EEF1E1: variants seen among roughly 807,000 people sequenced by gnomAD.
The protein encoded by EEF1E1 is eukaryotic translation elongation factor 1 epsilon 1.
Under a neutral mutation model 19.9 loss-of-function variants are expected in EEF1E1, and 19 were observed. The ratio of observed to expected loss-of-function variants is 0.95; its 90% CI spans 0.66 to 1.40. The LOEUF is 1.40. Ranked by LOEUF, EEF1E1 falls within the 40% of genes most tolerant of loss-of-function variation. EEF1E1 has a pLI of 0.00. For synonymous variants in EEF1E1, 81 were observed against 80.0 expected (o/e 1.01, Z -0.07); for missense variants, 198 against 202.2 (o/e 0.98, Z 0.13).
chr6:8,098,182 T>C (rs1444208170), intron 1 of EEF1E1, among the ~76,000 whole-genome samples: 1 of 151,904 alleles, frequency 6.6e-6, no homozygotes, highest in Non-Finnish European at 1.5e-5. Context: ...TGCAGTGGCA[T>C]GGTCTCGGCT....
chr6:8,096,726 C>T (rs1441241660), intron 2 of EEF1E1, among the ~76,000 whole-genome samples: 3 of 151,926 alleles, frequency 2.0e-5, no homozygotes, highest in Non-Finnish European at 1.5e-5. Context: ...TTCTTGGTAA[C>T]TCTGAAGCTA....
In EEF1E1 at chr6:8,090,295, A is replaced by G. The variant is rs750610204; in HGVS notation, c.289-14T>C. 2.1e-6 allele frequency: 3 copies of G among 1,441,742 alleles called. No individual in the cohort carries two copies. The Admixed American group carries it at 8.3e-5, about 40-fold the overall frequency. 89.3% of individuals were successfully genotyped at this position (1,441,742 alleles called of 1,614,324 possible). ...TGAATTAAGATCCTAGAAAAAAGAAAAAACAAATAAATATTAATGTAAAAA... is the reference window on the plus strand; with the variant it reads ...TGAATTAAGATCCTAGAAAAAAGAAGAAACAAATAAATATTAATGTAAAAA... On this transcript the variant is annotated splice_polypyrimidine_tract_variant and intron_variant, in intron 2 of 3. Transcript: ENST00000379715.
chr6:8,100,794 C>A (rs1162719779), intron 1 of EEF1E1, among the ~76,000 whole-genome samples: 2 of 151,028 alleles, frequency 1.3e-5, no homozygotes, highest in African/African-American at 4.9e-5. Context: ...AAATTCTTAC[C>A]CTGGCGCCAC....
At chr6:8,096,058 T>C (rs1581473561) in intron 2 of EEF1E1, among the ~76,000 whole-genome samples, 2 of 152,194 alleles carry the variant, frequency 1.3e-5, no homozygotes, top group South Asian at 4.1e-4. Context: ...AACAAGAACA[T>C]CTTAAATCAG....
downstream of EEF1E1, chr6:8,078,794 G>T: frequency 8.1e-7 from 1 of 1,233,052 alleles, no homozygotes; most frequent in Non-Finnish European, 1.0e-6. Flanking sequence ...TACATACTAG[G>T]CTTTTTTCTT....
chr6:8,083,078 G>A (rs1757760991), intron 3 of EEF1E1, among the ~76,000 whole-genome samples: 1 of 152,112 alleles, frequency 6.6e-6, no homozygotes, highest in South Asian at 2.1e-4. Context: ...GTGGTGCTTG[G>A]CTCTTTCTGC....
chr6:8,095,583 T>C (rs1581473059), intron 2 of EEF1E1: 1 of 178,742 alleles, frequency 5.6e-6, no homozygotes, highest in Non-Finnish European at 1.2e-5. Context: ...TTTTTTTTAA[T>C]ACATGCACAC....
At chr6:8,098,273 C>T (rs967981318) in intron 1 of EEF1E1, among the ~76,000 whole-genome samples, 18 of 152,030 alleles carry the variant, frequency 1.2e-4, no homozygotes, top group African/African-American at 4.3e-4. Flanking sequence ...GCACGTGCCA[C>T]CACACCCGGA....
intron 2 of EEF1E1, among the ~76,000 whole-genome samples, chr6:8,096,519 T>C (rs76197483): frequency 0.061 from 9,226 of 152,288 alleles, 382 homozygotes; most frequent in Non-Finnish European, 0.088. Flanking sequence ...GGAAGACCTT[T>C]CTTGTACAAC....
chr6:8,095,361 T>C (rs1422859787), intron 2 of EEF1E1: 13 of 426,410 alleles, frequency 3.0e-5, no homozygotes, highest in Middle Eastern at 8.2e-4. Context: ...AAACGAGCCA[T>C]GCGTGGTGGT....
At chr6:8,097,696 TATA>T (rs1304713184) in intron 1 of EEF1E1, among the ~76,000 whole-genome samples, 4 of 152,214 alleles carry the variant, frequency 2.6e-5, no homozygotes, top group Non-Finnish European at 5.9e-5. Flanking sequence ...CAAAAATCCG[TATA>T]ATATTACTAC....
intron 1 of EEF1E1, 82 bp from the exon 2 acceptor site, chr6:8,097,549 C>T (rs1425785957): frequency 9.0e-7 from 1 of 1,107,226 alleles, no homozygotes; most frequent in Non-Finnish European, 1.3e-6. Flanking sequence ...CACGAAATCC[C>T]TCAAGTGTTT....
intron 3 of EEF1E1, among the ~76,000 whole-genome samples, chr6:8,088,495 T>A (rs1456049186): frequency 6.6e-6 from 1 of 151,744 alleles, no homozygotes; most frequent in Non-Finnish European, 1.5e-5. Context: ...ATAAGTCTCA[T>A]GAGATCTGAT....
chr6:8,088,505 T>C (rs866397921), intron 3 of EEF1E1, among the ~76,000 whole-genome samples: 12 of 152,174 alleles, frequency 7.9e-5, no homozygotes, highest in Admixed American at 5.2e-4. Flanking sequence ...TGAGATCTGA[T>C]GGTTTTATAA....
intron 1 of EEF1E1, among the ~76,000 whole-genome samples, chr6:8,097,951 G>A (rs1758217880): frequency 6.6e-6 from 1 of 151,914 alleles, no homozygotes; most frequent in Non-Finnish European, 1.5e-5. Flanking sequence ...ACACAAATAA[G>A]GACAATGCAT....
intron 1 of EEF1E1, among the ~76,000 whole-genome samples, chr6:8,098,179 G>T (rs1471210354): frequency 6.6e-6 from 1 of 151,906 alleles, no homozygotes; most frequent in Non-Finnish European, 1.5e-5. Flanking sequence ...GAGTGCAGTG[G>T]CATGGTCTCG....
chr6:8,097,067 A>G (rs1174764265), intron 2 of EEF1E1, among the ~76,000 whole-genome samples, 200 bp downstream of exon 2: 3 of 152,200 alleles, frequency 2.0e-5, no homozygotes, highest in African/African-American at 7.2e-5. Flanking sequence ...GTAGTCAAGG[A>G]AGTTTCCAAG....
At chr6:8,078,710 T>C (rs1757656437), downstream of EEF1E1, 4 of 1,286,190 alleles carry the variant, frequency 3.1e-6, no homozygotes, top group Middle Eastern at 2.1e-4. Context: ...ACAATCCTCA[T>C]TTTCTTATAA....
At chr6:8,075,958 C>CT (rs1023364914), downstream of EEF1E1, among the ~76,000 whole-genome samples, 4 of 152,140 alleles carry the variant, frequency 2.6e-5, no homozygotes, top group African/African-American at 9.7e-5. Flanking sequence ...AAACCACTTT[C>CT]TTTGTTCACC....
Sources: gnomAD v4.1 joint callset for allele counts (sites outside exome capture counted in the v4.1 genomes callset) on GRCh38, gnomAD v4.1.1 for gene constraint, MANE v1.5 for transcripts, NCBI Gene and HGNC (gene_info 2026-07-23, HGNC 2026-07-21) for gene names.